Variants in HESX1 observed in about 807,000 individuals in gnomAD.
HESX1 encodes the protein HESX homeobox 1, also known as homeobox expressed in ES cells 1.
Under a neutral mutation model 22.5 loss-of-function variants are expected in HESX1, and 11 were observed. That is an observed-to-expected ratio of 0.49 (90% CI 0.31 to 0.81). HESX1 has a LOEUF of 0.81. HESX1 is among the 30% of genes least tolerant of loss of function. The pLI is 0.05. For synonymous variants in HESX1, 74 were observed against 76.5 expected, an observed-to-expected ratio of 0.97 and a Z score of 0.17; for missense variants, 201 against 212.6, an observed-to-expected ratio of 0.95 and a Z score of 0.34.
At chr3:57,217,940 G>C (rs2060592055) in intron 1 of HESX1, among the ~76,000 whole-genome samples, 1 of 152,064 alleles carries the variant, frequency 6.6e-6, no homozygotes, top group Non-Finnish European at 1.5e-5. Context: ...CCTCTGTGGG[G>C]ATGTCCTCCT....
At chr3:57,221,156 ATT>A (rs111304953) in intron 1 of HESX1, among the ~76,000 whole-genome samples, 8 of 141,836 alleles carry the variant, frequency 5.6e-5, no homozygotes, top group African/African-American at 7.7e-5. Context: ...GTTTTCCCTA[ATT>A]TTTTTTTTTT....
chr3:57,198,674 C>T (rs2060463555), intron 2 of HESX1, 79 bp downstream of exon 2: 1 of 1,324,598 alleles, frequency 7.5e-7, no homozygotes, highest in African/African-American at 1.5e-5. Flanking sequence ...ACTGAGATAC[C>T]AAAGTGAGTG....
chr3:57,220,216 A>C (rs2060607857), intron 1 of HESX1, among the ~76,000 whole-genome samples: 1 of 152,144 alleles, frequency 6.6e-6, no homozygotes, highest in Non-Finnish European at 1.5e-5. Context: ...TTTTGTACCA[A>C]TACCATGCTG....
At chr3:57,202,588 C>T (rs2060496433), upstream of HESX1, among the ~76,000 whole-genome samples, 2 of 152,168 alleles carry the variant, frequency 1.3e-5, no homozygotes, top group Non-Finnish European at 2.9e-5. Context: ...CCACCTGCCT[C>T]GGCCTCCTAA....
At chr3:57,215,635 C>T (rs982409330) in intron 1 of HESX1, among the ~76,000 whole-genome samples, 13 of 152,092 alleles carry the variant, frequency 8.5e-5, no homozygotes, top group African/African-American at 2.4e-4. Context: ...GGTGTGGTGG[C>T]GGGCGCCTAT....
intron 1 of HESX1, among the ~76,000 whole-genome samples, chr3:57,223,576 C>T (rs1299512399): frequency 6.6e-6 from 1 of 152,128 alleles, no homozygotes; most frequent in African/African-American, 2.4e-5. Flanking sequence ...CAACCCATTC[C>T]TCAGAACTTT....
chr3:57,208,192 C>T (rs551229354), intron 1 of HESX1, among the ~76,000 whole-genome samples: 3 of 152,276 alleles, frequency 2.0e-5, no homozygotes, highest in East Asian at 1.9e-4. Flanking sequence ...ATTTGGATTA[C>T]ACAGCTGTAT....
intron 1 of HESX1, among the ~76,000 whole-genome samples, chr3:57,210,637 A>C (rs2060547979): frequency 6.6e-6 from 1 of 152,240 alleles, no homozygotes. Context: ...GCCCAAGTAG[A>C]CATTCAATAA....
At chr3:57,203,818 G>A (rs1422089166), upstream of HESX1, among the ~76,000 whole-genome samples, 3 of 152,100 alleles carry the variant, frequency 2.0e-5, no homozygotes, top group Admixed American at 6.5e-5. Flanking sequence ...GCCTCCCAAA[G>A]TGCTGGGATT....
At chr3:57,210,611 T>C (rs1000095921) in intron 1 of HESX1, among the ~76,000 whole-genome samples, 5 of 152,242 alleles carry the variant, frequency 3.3e-5, no homozygotes, top group Non-Finnish European at 5.9e-5. Flanking sequence ...ATGCCTTCAG[T>C]GTTTCCTAGA....
chr3:57,198,604 A>C, intron 2 of HESX1, 112 bp from the exon 3 acceptor site: 2 of 1,029,100 alleles, frequency 1.9e-6, no homozygotes, highest in Non-Finnish European at 3.0e-6. Flanking sequence ...CTTTTTAAAA[A>C]TGATTACCTG....
chr3:57,198,118 C>G lies in HESX1; in HGVS notation c.*79G>C. On this transcript the variant is annotated 3_prime_UTR_variant, in exon 4 of 4. Transcript: ENST00000295934. ...AGATTAAATGCAGGAAAGAAAACAT[C>G]ACATTTTAACACTTAATATTTCCAC... 2.2e-6 allele frequency: 2 copies of G among 900,850 alleles called. No individual in the cohort carries two copies. Among genetic ancestry groups the G allele is most frequent in the South Asian group, 2.8e-5 (2 of 70,656 alleles). 55.8% of individuals were successfully genotyped at this position (900,850 alleles called of 1,614,324 possible).
chr3:57,198,457 G>T lies in HESX1; in HGVS notation c.393C>A (p.Cys131Ter). The T allele has an allele frequency of 6.2e-7, 1 of 1,604,072 alleles. No individual in the cohort carries two copies. Among genetic ancestry groups the T allele is most frequent in the Non-Finnish European group, 8.5e-7 (1 of 1,171,818 alleles). The change falls in exon 3 of 4, where the codon TGC becomes TGA. Residue 131 changes from cysteine to a stop codon, truncating the protein, a stop_gained. Coordinates refer to ENST00000295934, the MANE Select transcript of HESX1 (RefSeq NM_003865.3). LOFTEE classifies it high-confidence loss of function. ...EVLENVFRVN[C>*]YPGIDIREDL... ...CTTCTCTAATATCGATACCAGGATA[G>T]CAGTTTACTCTAAAGACATTTTCTA... is the stretch of plus-strand genomic sequence containing the variant.
intron 1 of HESX1, 35 bp downstream of exon 1, chr3:57,199,727 T>C: frequency 6.2e-7 from 1 of 1,607,188 alleles, no homozygotes; most frequent in Non-Finnish European, 8.5e-7. Flanking sequence ...GTAAATGAAA[T>C]AACAAAGAAT....
At chr3:57,208,822 A>T (rs900463597) in intron 1 of HESX1, among the ~76,000 whole-genome samples, 3 of 151,722 alleles carry the variant, frequency 2.0e-5, no homozygotes, top group Non-Finnish European at 2.9e-5. Flanking sequence ...TTAGCCGGGC[A>T]TGGTGGCACA....
intron 1 of HESX1, among the ~76,000 whole-genome samples, 168 bp downstream of exon 1, chr3:57,199,594 T>C (rs553312737): frequency 1.1e-3 from 165 of 150,952 alleles, no homozygotes; most frequent in African/African-American, 3.9e-3. Context: ...ACTCCAGTCT[T>C]GGCAACAAGA....
At chr3:57,200,106 G>A (rs930475729), upstream of HESX1, 3 of 604,344 alleles carry the variant, frequency 5.0e-6, no homozygotes, top group Non-Finnish European at 8.9e-6. Flanking sequence ...CCAGCCAGCA[G>A]CTTAAGGAGT....
Position 57,198,301 on chromosome 3 carries a change from G to C in HESX1, c.460-6C>G. On this transcript the variant is annotated splice_polypyrimidine_tract_variant and splice_region_variant and intron_variant, in intron 3 of 3. Transcript: ENST00000295934. ...CGCCGATTTTGAAACCAAATCTAAA[G>C]TTAAGGAAAAATAAAATAGGTCTCA... The C allele has an allele frequency of 6.2e-7, 1 of 1,606,788 alleles. No individual in the cohort carries two copies. The highest frequency in any genetic ancestry group is 8.5e-7 in the Non-Finnish European group (1 of 1,173,776).
rs540522007 is a variant in HESX1, at chr3:57,225,881, CT to C, written c.-111+414del. ...GTAACAAATACTTTTCTTTTCTTTT[CT>C]TTTTTTTTTTTTTTTTGATACGTAG... On this transcript the variant is annotated intron_variant, in intron 1 of 2. Transcript: ENST00000495160. 1.6e-3 allele frequency among the ~76,000 whole-genome samples: 216 copies of C among 132,110 alleles called. 1 individual carries two copies. Among genetic ancestry groups the C allele is most frequent in the African/African-American group, 3.6e-3 (129 of 35,830 alleles). 86.7% of individuals were successfully genotyped at this position (132,110 alleles called of 152,430 possible).
Sources: gnomAD v4.1 joint callset for allele counts (sites outside exome capture counted in the v4.1 genomes callset) on GRCh38, gnomAD v4.1.1 for gene constraint, MANE v1.5 for transcripts, NCBI Gene and HGNC (gene_info 2026-07-23, HGNC 2026-07-21) for gene names.